Variants in DEPDC7 observed in about 807,000 individuals in gnomAD.
DEPDC7 encodes DEP domain-containing protein 7.
DEPDC7 carries 41 observed loss-of-function variants against 56.6 expected under a neutral mutation model. That is an observed-to-expected ratio of 0.72 (90% CI 0.56 to 0.94). DEPDC7 has a LOEUF of 0.94. Ranked by LOEUF, DEPDC7 falls within the 40% of genes least tolerant of loss-of-function variation. DEPDC7 has a pLI of 0.00. For missense variants in DEPDC7, 522 were observed against 596.3 expected (o/e 0.88, Z 1.30); for synonymous variants, 185 against 208.8 (o/e 0.89, Z 0.98).
intron 1 of DEPDC7, 110 bp from the exon 2 acceptor site, chr11:33,025,549 T>A (rs1206233617): frequency 1.6e-5 from 17 of 1,068,536 alleles, no homozygotes; most frequent in Non-Finnish European, 2.0e-5. Flanking sequence ...TAATTGCTCC[T>A]TATCAATAAC....
chr11:33,026,182 G>A, intron 2 of DEPDC7, 133 bp downstream of exon 2: 5 of 937,152 alleles, frequency 5.3e-6, no homozygotes, highest in Non-Finnish European at 8.2e-6. Context: ...GGGTAAATTT[G>A]ATAAAGTGCG....
chr11:33,016,474 C>G, intron 1 of DEPDC7: 1 of 1,606,452 alleles, frequency 6.2e-7, no homozygotes, highest in Non-Finnish European at 8.5e-7. Flanking sequence ...CTCCCTTGCC[C>G]ACTTTGTTCT....
intron 1 of DEPDC7, among the ~76,000 whole-genome samples, chr11:33,024,531 CAT>C (rs1491205372): frequency 1.2e-3 from 157 of 132,706 alleles, no homozygotes; most frequent in African/African-American, 3.8e-3. Flanking sequence ...GTGCAAACAT[CAT>C]AGAGTATAGT....
At chr11:33,032,606 C>T (rs1300448236) in intron 6 of DEPDC7, 62 bp from the exon 7 acceptor site, 24 of 1,342,656 alleles carry the variant, frequency 1.8e-5, no homozygotes, top group Non-Finnish European at 1.2e-5. Flanking sequence ...TTAATATTCC[C>T]TTTTATATTA....
intron 1 of DEPDC7, chr11:33,016,343 G>A: frequency 7.1e-7 from 1 of 1,408,418 alleles, no homozygotes; most frequent in South Asian, 1.7e-5. Flanking sequence ...GCGCCGGGGA[G>A]CTCCGGGATA....
intron 1 of DEPDC7, among the ~76,000 whole-genome samples, chr11:33,023,334 C>A (rs1853542290): frequency 6.6e-6 from 1 of 151,622 alleles, no homozygotes; most frequent in African/African-American, 2.4e-5. Context: ...TACAAATAAA[C>A]AATAAAGGAC....
In DEPDC7 at chr11:33,028,955, A is replaced by C. The variant is rs185525681; in HGVS notation, c.782+163A>C. Among the ~76,000 whole-genome samples, 31 of 152,298 alleles carry C rather than the reference A, an allele frequency of 2.0e-4. No individual in the cohort carries two copies. The East Asian group carries it at 5.6e-3, about 27-fold the overall frequency. ...TGAAGAACAAAATTACATTAGTCAA[A>C]ATTAGAAAAAGATTTGTTTCATTTT... On this transcript the variant is annotated intron_variant, in intron 4 of 8. Coordinates refer to ENST00000241051, the MANE Select transcript of DEPDC7 (RefSeq NM_001077242.2).
In DEPDC7 at chr11:33,029,369, G is replaced by A. The variant is rs1024648995; in HGVS notation, c.782+577G>A. Among the ~76,000 whole-genome samples, 3 of 151,186 alleles carry A rather than the reference G, an allele frequency of 2.0e-5. No individual in the cohort carries two copies. The East Asian group carries it at 5.8e-4, about 29-fold the overall frequency. ...AAAAATTAGCCAGGCATGGTGGCAC[G>A]TAATCCCAGCTACTTGGGAGGCTGA... is the stretch of plus-strand genomic sequence containing the variant. On this transcript the variant is annotated intron_variant, in intron 4 of 8. Transcript: ENST00000241051.
rs560743913 is a variant in DEPDC7, at chr11:33,022,627, C to A, written c.74-3032C>A. Reference sequence around the variant, plus strand: ...GTTTATTTTAAATCTTATTTATAATCTCTGGTATTTTAGGAAGTTAAGAAT... The same window carrying A: ...GTTTATTTTAAATCTTATTTATAATATCTGGTATTTTAGGAAGTTAAGAAT... On this transcript the variant is annotated intron_variant, in intron 1 of 8. Transcript: ENST00000241051. 4.6e-5 allele frequency among the ~76,000 whole-genome samples: 7 copies of A among 152,188 alleles called. No homozygotes were observed. The South Asian group carries it at 1.5e-3, about 32-fold the overall frequency.
chr11:33,021,256 A>C (rs1223559906), intron 1 of DEPDC7, among the ~76,000 whole-genome samples: 1 of 151,968 alleles, frequency 6.6e-6, no homozygotes, highest in South Asian at 2.1e-4. Context: ...TCTCAAAAAA[A>C]AAAAAAGAAA....
rs1347574051 is a variant in DEPDC7, at chr11:33,025,901, A to C, written c.316A>C (p.Lys106Gln). 1 of 1,614,180 alleles carries C rather than the reference A, an allele frequency of 6.2e-7. No homozygotes were observed. The highest frequency in any genetic ancestry group is 2.2e-5 in the East Asian group (1 of 44,882). The change falls in exon 2 of 9, where the codon AAA (lysine) becomes CAA (glutamine). Residue 106 changes from lysine (K) to glutamine (Q), a missense_variant. Lys to Gln is a moderately conservative substitution (Grantham distance 53). Transcript: ENST00000241051. The stretch of plus-strand genomic sequence containing the variant: ...AGTGTGTCAAGCGCTTATGGACTAC[A>C]AAGTATTTGAAGCAGTTCCAACCAA... The part of the protein sequence containing the change: ...VRVCQALMDY[K>Q]VFEAVPTKVF...
rs753759849 is a variant in DEPDC7, at chr11:33,033,290, A to G, written c.1371A>G (p.Gln457=). 2.5e-6 allele frequency: 4 copies of G among 1,599,364 alleles called. No individual in the cohort carries two copies. Among genetic ancestry groups the G allele is most frequent in the South Asian group, 1.1e-5 (1 of 87,702 alleles). The change falls in exon 9 of 9, where the codon CAA becomes CAG. Residue 457 remains glutamine, a synonymous_variant. Coordinates refer to ENST00000241051, the MANE Select transcript of DEPDC7 (RefSeq NM_001077242.2). ...ATATTTATTGCCAGAGAATTGATCA[A>G]CGTGACTATTCCAACAATACAGAGA... The part of the protein sequence containing the change: ...AGYIYCQRID[Q]RDYSNNTEKT...
rs774491494 is a variant in DEPDC7 at position 33,031,511 on chromosome 11, A to G, written c.916A>G (p.Ile306Val). 1 of 1,614,190 alleles carries G rather than the reference A, an allele frequency of 6.2e-7. No homozygotes were observed. The highest frequency in any genetic ancestry group is 2.2e-5 in the East Asian group (1 of 44,874). The change falls in exon 5 of 9, where the codon ATT (isoleucine) becomes GTT (valine). Residue 306 changes from isoleucine (I) to valine (V), a missense_variant. By Grantham distance (29) the Ile-to-Val change is conservative. Transcript: ENST00000241051. ...AGTGAAAGAACTTCTGTTTGATGCC[A>G]TTGGCAGATATTACAGTAGTAGGGA... ...DLVKELLFDAIGRYYSSREPL... is the reference protein window; with the variant it reads ...DLVKELLFDAVGRYYSSREPL...
chr11:33,026,496 A>C (rs79010238), intron 2 of DEPDC7: 4,108 of 231,036 alleles, frequency 0.018, 50 homozygotes, highest in Non-Finnish European at 0.026. Flanking sequence ...AACCAACTTT[A>C]CCCTTTCCCC....
intron 1 of DEPDC7, among the ~76,000 whole-genome samples, chr11:33,016,903 G>T (rs1289753285): frequency 6.6e-6 from 1 of 152,102 alleles, no homozygotes; most frequent in Non-Finnish European, 1.5e-5. Flanking sequence ...CCCCTTTCTG[G>T]AGCTCCAGTC....
chr11:33,031,948 C>A (rs1290807445), intron 5 of DEPDC7, among the ~76,000 whole-genome samples: 4 of 152,030 alleles, frequency 2.6e-5, no homozygotes, highest in African/African-American at 4.8e-5. Flanking sequence ...CAATGAGCCA[C>A]ATAATTTGTT....
chr11:33,018,259 C>T (rs2133656572), intron 1 of DEPDC7, among the ~76,000 whole-genome samples: 1 of 152,322 alleles, frequency 6.6e-6, no homozygotes, highest in Non-Finnish European at 1.5e-5. Context: ...CAAGTTTTAA[C>T]ACCATAAACA....
intron 2 of DEPDC7, 73 bp downstream of exon 2, chr11:33,026,122 G>T: frequency 6.6e-7 from 1 of 1,521,634 alleles, no homozygotes. Context: ...GATGCCTACT[G>T]GCTTTATATT....
Position 33,030,193 on chromosome 11 carries a change from T to C in DEPDC7, c.783-1185T>C, listed in dbSNP as rs571855475. On this transcript the variant is annotated intron_variant, in intron 4 of 8. Coordinates refer to ENST00000241051, the MANE Select transcript of DEPDC7 (RefSeq NM_001077242.2). ...CAGGGTGGTCTTGAACTCCCGACCT[T>C]GTGATCTGTCCACCTTGGCCTCCCA... Among the ~76,000 whole-genome samples, 146 of 152,280 alleles carry C rather than the reference T, an allele frequency of 9.6e-4. 1 individual carries two copies. The highest frequency in any genetic ancestry group is 6.8e-3 in the Middle Eastern group (2 of 294).
Sources: gnomAD v4.1 joint callset for allele counts (sites outside exome capture counted in the v4.1 genomes callset) on GRCh38, gnomAD v4.1.1 for gene constraint, MANE v1.5 for transcripts, NCBI Gene and HGNC (gene_info 2026-07-23, HGNC 2026-07-21) for gene names.